ACBD3: variants seen among roughly 807,000 people sequenced by gnomAD.
The protein encoded by ACBD3 is Golgi resident protein GCP60.
Under a neutral mutation model 66.9 loss-of-function variants are expected in ACBD3, and 30 were observed. That is an observed-to-expected ratio of 0.45 (90% CI 0.34 to 0.61). The LOEUF is 0.61. Ranked by LOEUF, ACBD3 falls within the 20% of genes least tolerant of loss-of-function variation. The pLI is 0.02. For synonymous variants in ACBD3, 278 were observed against 259.8 expected, an observed-to-expected ratio of 1.07 and a Z score of -0.68; for missense variants, 544 against 664.5, an observed-to-expected ratio of 0.82 and a Z score of 1.99.
At chr1:226,165,017 T>A in intron 2 of ACBD3, 88 bp from the exon 3 acceptor site, 3 of 1,343,386 alleles carry the variant, frequency 2.2e-6, no homozygotes. Context: ...AATTCTCAAT[T>A]GTAAGTAAAA....
chr1:226,167,329 C>T (rs1282808525), intron 1 of ACBD3, among the ~76,000 whole-genome samples: 1 of 152,240 alleles, frequency 6.6e-6, no homozygotes, highest in East Asian at 1.9e-4. Flanking sequence ...CACTTCCTAG[C>T]TATGTGACTA....
At chr1:226,181,383 CAA>C (rs1207056076) in intron 1 of ACBD3, among the ~76,000 whole-genome samples, 1 of 152,072 alleles carries the variant, frequency 6.6e-6, no homozygotes, top group Non-Finnish European at 1.5e-5. Flanking sequence ...TTAAAGAAGA[CAA>C]GAGGAAATGG....
intron 4 of ACBD3, among the ~76,000 whole-genome samples, chr1:226,161,071 G>A (rs186585119): frequency 5.9e-5 from 9 of 151,918 alleles, no homozygotes; most frequent in African/African-American, 1.7e-4. Flanking sequence ...AACAGAGAGC[G>A]CAACCAAGCA....
chr1:226,185,307 C>A (rs1656270046), intron 1 of ACBD3, among the ~76,000 whole-genome samples: 1 of 152,112 alleles, frequency 6.6e-6, no homozygotes, highest in African/African-American at 2.4e-5. Context: ...CTAGTTTGCA[C>A]AATTAAAGTT....
intron 1 of ACBD3, among the ~76,000 whole-genome samples, chr1:226,181,887 C>T (rs1656177784): frequency 6.6e-6 from 1 of 152,122 alleles, no homozygotes; most frequent in African/African-American, 2.4e-5. Flanking sequence ...TCCTGTGGGT[C>T]CTTAACCCAT....
rs969253939 is a variant in ACBD3 at position 226,149,749 on chromosome 1, C to G, written c.1375+2586G>C. Among the ~76,000 whole-genome samples the G allele has an allele frequency of 2.0e-5, 3 of 151,430 alleles. No individual in the cohort carries two copies. The South Asian group carries it at 6.3e-4, about 32-fold the overall frequency. On this transcript the variant is annotated intron_variant, in intron 7 of 7. Transcript: ENST00000366812. ...TAGAGACAGGGTTTCATCATGTTGC[C>G]CAGGCTGGTCTTGAACTCCTGAGCT...
intron 3 of ACBD3, among the ~76,000 whole-genome samples, chr1:226,164,472 G>A (rs1394948236): frequency 6.6e-6 from 1 of 152,182 alleles, no homozygotes; most frequent in Non-Finnish European, 1.5e-5. Context: ...CAGACCAGAG[G>A]ATAGGGAGGA....
At chr1:226,163,388 G>A (rs562697831) in intron 3 of ACBD3, among the ~76,000 whole-genome samples, 5 of 152,108 alleles carry the variant, frequency 3.3e-5, no homozygotes, top group South Asian at 4.1e-4. Context: ...ACACCCTAGC[G>A]ATACCTGATT....
At chr1:226,169,820 G>C (rs545528865) in intron 1 of ACBD3, among the ~76,000 whole-genome samples, 13 of 151,600 alleles carry the variant, frequency 8.6e-5, no homozygotes, top group African/African-American at 2.7e-4. Context: ...TCAAGAGTTC[G>C]AGATCAGTCT....
intron 1 of ACBD3, among the ~76,000 whole-genome samples, chr1:226,169,984 G>A (rs1490773036): frequency 7.7e-6 from 1 of 130,370 alleles, no homozygotes; most frequent in East Asian, 2.4e-4. Context: ...TCATACCACT[G>A]CACTCCAGCC....
Position 226,146,514 on chromosome 1 carries a change from A to C in ACBD3, c.*96T>G. ...CATCAGACCAATATCAATAAGGTAA[A>C]CTGTGACTCTAATGCTCCACAAAAG... is the stretch of plus-strand genomic sequence containing the variant. On this transcript the variant is annotated 3_prime_UTR_variant, in exon 8 of 8. Coordinates refer to ENST00000366812, the MANE Select transcript of ACBD3 (RefSeq NM_022735.4). 1 of 1,042,004 alleles carries C rather than the reference A, an allele frequency of 9.6e-7. No individual in the cohort carries two copies. Among genetic ancestry groups the C allele is most frequent in the Non-Finnish European group, 1.4e-6 (1 of 708,544 alleles). 64.5% of individuals were successfully genotyped at this position (1,042,004 alleles called of 1,614,324 possible). A position where few individuals can be genotyped will look rare whatever the true frequency, so the allele number is the denominator to read the frequency against.
rs767476196 is a variant in ACBD3, at chr1:226,152,578, G to T, written c.1132C>A (p.Pro378Thr). 31 of 1,614,172 alleles carry T rather than the reference G, an allele frequency of 1.9e-5. No homozygotes were observed. The South Asian group carries it at 3.4e-4, about 18-fold the overall frequency. ...TTCTCTTTGAAGTCTTTGATCTGAGGTCGTGTCCACATGGATGGAGCTGCT... is the reference window on the plus strand; with the variant it reads ...TTCTCTTTGAAGTCTTTGATCTGAGTTCGTGTCCACATGGATGGAGCTGCT... Reference protein sequence around the residue: ...VIAAPSMWTRPQIKDFKEKIQ... With the variant: ...VIAAPSMWTRTQIKDFKEKIQ... Residue 378 changes from proline to threonine, a missense_variant, in exon 7 of 8, where the codon CCT (proline) becomes ACT (threonine). Transcript: ENST00000366812.
At chr1:226,172,155 CAA>C (rs779380166) in intron 1 of ACBD3, among the ~76,000 whole-genome samples, 1 of 43,232 alleles carries the variant, frequency 2.3e-5, no homozygotes, top group African/African-American at 7.8e-5. Flanking sequence ...AACTCCATCT[CAA>C]AAAAAAAAAA....
intron 1 of ACBD3, among the ~76,000 whole-genome samples, chr1:226,179,379 T>G (rs1656121462): frequency 6.6e-6 from 1 of 152,152 alleles, no homozygotes; most frequent in Non-Finnish European, 1.5e-5. Flanking sequence ...AAACAAGCAG[T>G]ATCCACGGCT....
intron 7 of ACBD3, among the ~76,000 whole-genome samples, chr1:226,148,871 G>A (rs1452479775): frequency 2.0e-5 from 3 of 152,170 alleles, no homozygotes; most frequent in Non-Finnish European, 2.9e-5. Context: ...ATGAAGTGAC[G>A]CTCATGTAAT....
rs1659776385 is a variant in ACBD3 at position 226,161,611 on chromosome 1, T to C, written c.648A>G (p.Arg216=). The change falls in exon 4 of 8, where the codon AGA becomes AGG. Residue 216 remains arginine (R), a synonymous_variant. Coordinates refer to ENST00000366812, the MANE Select transcript of ACBD3 (RefSeq NM_022735.4). ...CCCGTCGAAGCCTTTCCTCTTCTTC[T>C]CTCCTACGTTTCTCTTCCTCCTTTT... ...RLQKEEEKRR[R]EEEERLRREE... is the part of the protein sequence containing the mutation. 1 of 1,613,942 alleles carries C rather than the reference T, an allele frequency of 6.2e-7. No individual in the cohort carries two copies. The highest frequency in any genetic ancestry group is 1.1e-5 in the South Asian group (1 of 91,070).
chr1:226,151,448 C>T (rs972284855), intron 7 of ACBD3, among the ~76,000 whole-genome samples: 11 of 152,150 alleles, frequency 7.2e-5, no homozygotes, highest in Non-Finnish European at 1.6e-4. Flanking sequence ...ACATTTATAA[C>T]CTATTTCTTA....
Position 226,160,194 on chromosome 1 carries a change from C to T in ACBD3, c.729-836G>A, listed in dbSNP as rs189222221. Among the ~76,000 whole-genome samples, 254 of 151,560 alleles carry T rather than the reference C, an allele frequency of 1.7e-3. 1 individual carries two copies. Among genetic ancestry groups the T allele is most frequent in the South Asian group, 9.4e-3 (45 of 4,810 alleles). Reference sequence around the variant, plus strand: ...GCAACCTCCACTTCCTAGGTTCAAGCGATTCTCCTGCCTCAGCCTCCCAAG... The same window carrying T: ...GCAACCTCCACTTCCTAGGTTCAAGTGATTCTCCTGCCTCAGCCTCCCAAG... On this transcript the variant is annotated intron_variant, in intron 4 of 7. Transcript: ENST00000366812.
chr1:226,171,070 G>A (rs1659984760), intron 1 of ACBD3, among the ~76,000 whole-genome samples: 1 of 152,050 alleles, frequency 6.6e-6, no homozygotes, highest in Non-Finnish European at 1.5e-5. Context: ...GAGCCACCAT[G>A]CCTGGCCAAC....
Sources: allele counts gnomAD v4.1 joint callset (sites outside exome capture counted in the v4.1 genomes callset), GRCh38; gene constraint gnomAD v4.1.1; transcripts MANE v1.5; gene names NCBI Gene and HGNC (gene_info 2026-07-23, HGNC 2026-07-21).